Variants in KCNT2 observed in about 807,000 individuals in gnomAD.
KCNT2 encodes potassium channel subfamily T member 2.
KCNT2 carries 67 observed loss-of-function variants against 153.8 expected under a neutral mutation model. That is an observed-to-expected ratio of 0.44 (90% CI 0.36 to 0.53). The LOEUF (loss-of-function observed/expected upper bound fraction) is 0.53, where lower values mean the gene tolerates loss of function less well. Among genes scored for constraint, KCNT2 ranks in the 20% least tolerant of loss-of-function variants. The pLI is 0.00. For synonymous variants in KCNT2, 500 were observed against 458.8 expected, an observed-to-expected ratio of 1.09 and a Z score of -1.15; for missense variants, 975 against 1,354.8, an observed-to-expected ratio of 0.72 and a Z score of 4.40.
chr1:196,584,438 T>G (rs1042315897), intron 1 of KCNT2, among the ~76,000 whole-genome samples: 3 of 152,098 alleles, frequency 2.0e-5, no homozygotes, highest in African/African-American at 7.2e-5. Flanking sequence ...GTTTGTTTCC[T>G]ATTCAAATTA....
chr1:196,493,653 C>T (rs1680029261), intron 1 of KCNT2, among the ~76,000 whole-genome samples: 2 of 152,054 alleles, frequency 1.3e-5, no homozygotes, highest in African/African-American at 4.8e-5. Context: ...TTGCTGCATC[C>T]ATCAATCTGT....
At chr1:196,477,403 T>A (rs1217891687) in intron 5 of KCNT2, among the ~76,000 whole-genome samples, 1 of 151,992 alleles carries the variant, frequency 6.6e-6, no homozygotes, top group Non-Finnish European at 1.5e-5. Flanking sequence ...CTGGGCAACA[T>A]GGCAAAATCC....
chr1:196,263,422 C>A (rs200217179), intron 25 of KCNT2, among the ~76,000 whole-genome samples: 1 of 151,976 alleles, frequency 6.6e-6, no homozygotes, highest in African/African-American at 2.4e-5. Flanking sequence ...CACTCATAAT[C>A]GGGAGTTAAA....
At chr1:196,394,747 G>A (rs900970643) in intron 13 of KCNT2, among the ~76,000 whole-genome samples, 18 of 151,382 alleles carry the variant, frequency 1.2e-4, no homozygotes, top group African/African-American at 3.4e-4. Context: ...ATGATACATG[G>A]ACAATGACAA....
chr1:196,467,678 A>G (rs764010711), intron 7 of KCNT2, 25 bp downstream of exon 7: 3 of 1,408,768 alleles, frequency 2.1e-6, no homozygotes, highest in Non-Finnish European at 3.0e-6. Flanking sequence ...ATATTTTCAT[A>G]TTTGCACTTT....
chr1:196,446,495 G>C (rs1336876389), intron 8 of KCNT2, among the ~76,000 whole-genome samples: 1 of 151,270 alleles, frequency 6.6e-6, no homozygotes, highest in African/African-American at 2.4e-5. Context: ...AGCATCTTAG[G>C]GCAGTAAGGG....
intron 25 of KCNT2, among the ~76,000 whole-genome samples, chr1:196,275,121 G>A (rs1658430856): frequency 6.6e-6 from 1 of 151,632 alleles, no homozygotes; most frequent in African/African-American, 2.4e-5. Flanking sequence ...ATGACTTCAG[G>A]GAGCCTTTTG....
At chr1:196,481,768 A>G (rs921008211) in intron 4 of KCNT2, among the ~76,000 whole-genome samples, 1 of 152,180 alleles carries the variant, frequency 6.6e-6, no homozygotes, top group Non-Finnish European at 1.5e-5. Flanking sequence ...AATATAAATC[A>G]GACATCTTGT....
At chr1:196,333,028 G>T (rs1367799491) in intron 17 of KCNT2, among the ~76,000 whole-genome samples, 1 of 151,648 alleles carries the variant, frequency 6.6e-6, no homozygotes, top group African/African-American at 2.4e-5. Context: ...GACCTCAAAT[G>T]ATCCTGCCAT....
intron 22 of KCNT2, among the ~76,000 whole-genome samples, chr1:196,296,720 G>A (rs1660706451): frequency 6.6e-6 from 1 of 151,968 alleles, no homozygotes; most frequent in South Asian, 2.1e-4. Flanking sequence ...GTACTCTGTT[G>A]GCTTTAATGT....
intron 13 of KCNT2, among the ~76,000 whole-genome samples, chr1:196,390,750 C>T (rs989858021): frequency 3.3e-5 from 5 of 151,310 alleles, no homozygotes; most frequent in African/African-American, 9.7e-5. Flanking sequence ...TGGATGCATA[C>T]ACATGTATTT....
At chr1:196,381,782 A>G (rs996430129) in intron 13 of KCNT2, among the ~76,000 whole-genome samples, 7 of 152,154 alleles carry the variant, frequency 4.6e-5, no homozygotes, top group Non-Finnish European at 1.0e-4. Context: ...ACAACCACCA[A>G]GCTCCCCGAA....
intron 21 of KCNT2, among the ~76,000 whole-genome samples, chr1:196,311,160 C>T (rs562974868): frequency 6.6e-6 from 1 of 151,740 alleles, no homozygotes; most frequent in East Asian, 1.9e-4. Context: ...ACATATTTTC[C>T]CCAATAATTG....
chr1:196,598,335 A>G (rs1189571734), intron 1 of KCNT2, among the ~76,000 whole-genome samples: 1 of 152,202 alleles, frequency 6.6e-6, no homozygotes, highest in African/African-American at 2.4e-5. Context: ...ATTTCAGTCA[A>G]TCAATCAATA....
chr1:196,242,201 T>C (rs1655020393), intron 26 of KCNT2, among the ~76,000 whole-genome samples: 1 of 152,136 alleles, frequency 6.6e-6, no homozygotes, highest in African/African-American at 2.4e-5. Context: ...ATTGTCTTCA[T>C]AGTAAGGAAC....
At chr1:196,421,646 C>CA (rs1321751643) in intron 12 of KCNT2, among the ~76,000 whole-genome samples, 1 of 151,948 alleles carries the variant, frequency 6.6e-6, no homozygotes, top group Non-Finnish European at 1.5e-5. Context: ...ATATATATTT[C>CA]AAAAAATATT....
At chr1:196,369,956 A>C (rs575592295) in intron 14 of KCNT2, among the ~76,000 whole-genome samples, 26 of 152,076 alleles carry the variant, frequency 1.7e-4, no homozygotes, top group Non-Finnish European at 3.7e-4. Context: ...GCAGCCAAAA[A>C]ACACATGAAA....
intron 8 of KCNT2, among the ~76,000 whole-genome samples, chr1:196,459,538 T>C (rs1185693886): frequency 6.6e-6 from 1 of 151,866 alleles, no homozygotes; most frequent in East Asian, 1.9e-4. Context: ...ATGCAGTTGC[T>C]AGTTCTGTAA....
At chr1:196,564,082 A>G (rs1027382532) in intron 1 of KCNT2, among the ~76,000 whole-genome samples, 6 of 151,946 alleles carry the variant, frequency 3.9e-5, no homozygotes, top group African/African-American at 1.4e-4. Context: ...ATGTTTGCAG[A>G]GAACATGATC....
Sources: gnomAD v4.1 joint callset for allele counts (sites outside exome capture counted in the v4.1 genomes callset) on GRCh38, gnomAD v4.1.1 for gene constraint, MANE v1.5 for transcripts, NCBI Gene and HGNC (gene_info 2026-07-23, HGNC 2026-07-21) for gene names.